Variants in GPC6 observed in about 807,000 individuals in gnomAD.
The protein encoded by GPC6 is glypican-6.
Under a neutral mutation model 55.2 loss-of-function variants are expected in GPC6, and 14 were observed. The observed-to-expected ratio is 0.25, with a 90% confidence interval of 0.17 to 0.40. The LOEUF is 0.40. Among genes scored for constraint, GPC6 ranks in the 10% least tolerant of loss-of-function variants. The probability of loss-of-function intolerance (pLI) is 1.00; values close to 1 mark genes in which losing one functional copy is unlikely to be tolerated. For synonymous variants in GPC6, 278 were observed against 259.6 expected (o/e 1.07, Z -0.68); for missense variants, 641 against 708.5 (o/e 0.90, Z 1.08).
At chr13:94,070,732 A>G (rs998380687) in intron 4 of GPC6, among the ~76,000 whole-genome samples, 6 of 152,228 alleles carry the variant, frequency 3.9e-5, no homozygotes, top group African/African-American at 1.4e-4. Context: ...GACTTGTCTG[A>G]AAGTAGTCTG....
chr13:93,385,820 AT>A lies in GPC6; in HGVS notation c.160+158205del, dbSNP rs769830413. Among the ~76,000 whole-genome samples the A allele has an allele frequency of 9.2e-5, 14 of 152,194 alleles. 1 individual carries two copies. The highest frequency in any genetic ancestry group is 2.9e-4 in the African/African-American group (12 of 41,558). ...AATTTTATATTATATTGTAATTTAT[AT>A]AGTTGCCATTTTGGGTTCAACATGG... is the stretch of plus-strand genomic sequence containing the variant. On this transcript the variant is annotated intron_variant, in intron 1 of 8. Coordinates refer to ENST00000377047, the MANE Select transcript of GPC6 (RefSeq NM_005708.5).
chr13:93,702,292 C>CT (rs894316076), intron 2 of GPC6, among the ~76,000 whole-genome samples: 40 of 151,436 alleles, frequency 2.6e-4, no homozygotes, highest in Non-Finnish European at 4.3e-4. Context: ...TGATAGGAAT[C>CT]TTTTTTTTTC....
intron 4 of GPC6, among the ~76,000 whole-genome samples, chr13:94,068,212 A>G (rs180947309): frequency 8.5e-5 from 13 of 152,280 alleles, no homozygotes; most frequent in African/African-American, 3.1e-4. Flanking sequence ...TACCTCTTTC[A>G]TGGATGGCAG....
chr13:93,607,524 T>A (rs1027072459), intron 2 of GPC6, among the ~76,000 whole-genome samples: 6 of 152,264 alleles, frequency 3.9e-5, no homozygotes, highest in Admixed American at 1.3e-4. Flanking sequence ...TCCTTCCTTG[T>A]ATTCCTGCAG....
At chr13:93,293,421 T>C (rs1878380941) in intron 1 of GPC6, among the ~76,000 whole-genome samples, 1 of 152,234 alleles carries the variant, frequency 6.6e-6, no homozygotes, top group African/African-American at 2.4e-5. Flanking sequence ...TAGAACTATG[T>C]TACTTGAAAC....
intron 3 of GPC6, among the ~76,000 whole-genome samples, chr13:93,832,538 A>G (rs1222629033): frequency 6.6e-6 from 1 of 152,096 alleles, no homozygotes; most frequent in Non-Finnish European, 1.5e-5. Flanking sequence ...TAATGTTTAG[A>G]TGTGTGTATT....
intron 2 of GPC6, among the ~76,000 whole-genome samples, chr13:93,668,497 T>A (rs1881231404): frequency 6.6e-6 from 1 of 152,130 alleles, no homozygotes; most frequent in Admixed American, 6.6e-5. Context: ...GTTTTGAAAA[T>A]GTAAATAAAT....
intron 3 of GPC6, among the ~76,000 whole-genome samples, chr13:93,856,340 G>A (rs1267011886): frequency 1.3e-5 from 2 of 151,598 alleles, no homozygotes; most frequent in African/African-American, 4.8e-5. Flanking sequence ...TCCAAAGAAT[G>A]TTTAAGTCAT....
At chr13:93,556,342 A>AT (rs1027139639) in intron 2 of GPC6, among the ~76,000 whole-genome samples, 2 of 136,212 alleles carry the variant, frequency 1.5e-5, no homozygotes, top group African/African-American at 5.4e-5. Flanking sequence ...ATCTTATTTT[A>AT]TTTTTTTATT....
intron 3 of GPC6, among the ~76,000 whole-genome samples, chr13:93,912,190 A>C (rs1291821043): frequency 6.6e-6 from 1 of 152,176 alleles, no homozygotes; most frequent in African/African-American, 2.4e-5. Flanking sequence ...TCTTTACCAT[A>C]TCAGAAGCAC....
intron 2 of GPC6, among the ~76,000 whole-genome samples, chr13:93,605,985 G>C (rs1878223700): frequency 6.6e-6 from 1 of 151,958 alleles, no homozygotes; most frequent in South Asian, 2.1e-4. Flanking sequence ...AAGAAGGACA[G>C]CTATATCAAT....
chr13:93,756,877 T>G (rs1273022522), intron 2 of GPC6, among the ~76,000 whole-genome samples: 2 of 152,144 alleles, frequency 1.3e-5, no homozygotes, highest in African/African-American at 2.4e-5. Context: ...ACACTGTCCC[T>G]TAGGCAAATA....
chr13:93,249,482 T>C (rs184354734), intron 1 of GPC6, among the ~76,000 whole-genome samples: 117 of 152,310 alleles, frequency 7.7e-4, no homozygotes, highest in African/African-American at 2.6e-3. Flanking sequence ...GCTTCCTGCA[T>C]AGGGAACATG....
rs904918838 is a variant in GPC6, at chr13:93,693,187, A to G, written c.320-136967A>G. On this transcript the variant is annotated intron_variant, in intron 2 of 8. Transcript: ENST00000377047. ...GTGATACACTAGTCAAGGGCTCTCCAATTGCTTTAAATTGTTAAGAATTAT... is the reference window on the plus strand; with the variant it reads ...GTGATACACTAGTCAAGGGCTCTCCGATTGCTTTAAATTGTTAAGAATTAT... Among the ~76,000 whole-genome samples, 28 of 152,258 alleles carry G rather than the reference A, an allele frequency of 1.8e-4. 1 individual carries two copies. Among genetic ancestry groups the G allele is most frequent in the Non-Finnish European group, 7.4e-5 (5 of 68,024 alleles).
chr13:93,607,550 G>A (rs139387728), intron 2 of GPC6, among the ~76,000 whole-genome samples: 14 of 152,244 alleles, frequency 9.2e-5, no homozygotes, highest in East Asian at 5.8e-4. Flanking sequence ...AAACACCCCC[G>A]TCATTACTGA....
chr13:93,712,851 G>A (rs969225599), intron 2 of GPC6, among the ~76,000 whole-genome samples: 49 of 151,396 alleles, frequency 3.2e-4, no homozygotes, highest in African/African-American at 1.2e-3. Flanking sequence ...TGAAATATTA[G>A]GACAAGACTG....
chr13:93,546,978 T>G (rs940812644), intron 2 of GPC6, among the ~76,000 whole-genome samples: 1 of 151,984 alleles, frequency 6.6e-6, no homozygotes, highest in Non-Finnish European at 1.5e-5. Flanking sequence ...CAAAAAAATA[T>G]TAAATATTAG....
intron 1 of GPC6, among the ~76,000 whole-genome samples, chr13:93,398,763 A>C (rs1875956883): frequency 6.6e-6 from 1 of 152,176 alleles, no homozygotes; most frequent in African/African-American, 2.4e-5. Context: ...TGCATTCTAA[A>C]GACTTGACTA....
At chr13:94,286,233 T>C in intron 4 of GPC6, 116 bp from the exon 5 acceptor site, 1 of 1,050,714 alleles carries the variant, frequency 9.5e-7, no homozygotes, top group Non-Finnish European at 1.4e-6. Context: ...GAAAGCAAAT[T>C]TAAAAACGTG....
Sources: gnomAD v4.1 joint callset for allele counts (sites outside exome capture counted in the v4.1 genomes callset) on GRCh38, gnomAD v4.1.1 for gene constraint, MANE v1.5 for transcripts, NCBI Gene and HGNC (gene_info 2026-07-23, HGNC 2026-07-21) for gene names.